Variants in FARS2 observed in about 807,000 individuals in gnomAD.
FARS2 encodes the protein phenylalanyl-tRNA synthetase 2, mitochondrial, also known as phenylalanine--tRNA ligase, mitochondrial.
Under a neutral mutation model 46.4 loss-of-function variants are expected in FARS2, and 40 were observed. The observed-to-expected ratio is 0.86, with a 90% CI of 0.67 to 1.12. FARS2 has a LOEUF of 1.12. Among genes scored for constraint, FARS2 ranks in the 50% most tolerant of loss-of-function variants. The probability of loss-of-function intolerance (pLI) is 0.00; values close to 1 mark genes in which losing one functional copy is unlikely to be tolerated. For synonymous variants in FARS2, 234 were observed against 214.9 expected (o/e 1.09, Z -0.78); for missense variants, 513 against 567.9 (o/e 0.90, Z 0.98).
intron 6 of FARS2, among the ~76,000 whole-genome samples, chr6:5,659,041 G>C (rs137874967): frequency 6.6e-6 from 1 of 152,192 alleles, no homozygotes; most frequent in African/African-American, 2.4e-5. Context: ...TTGGACTACA[G>C]TTGTTCCTTT....
chr6:5,715,759 A>C (rs148261673), intron 6 of FARS2, among the ~76,000 whole-genome samples: 8 of 152,322 alleles, frequency 5.3e-5, no homozygotes, highest in Non-Finnish European at 1.2e-4. Context: ...TTGGCTATTT[A>C]TGATGCTGCT....
chr6:5,653,367 A>G (rs527701735), intron 6 of FARS2, among the ~76,000 whole-genome samples: 11 of 152,306 alleles, frequency 7.2e-5, no homozygotes, highest in African/African-American at 2.6e-4. Context: ...TGCAAACCCT[A>G]TTGCTCCAAA....
intron 1 of FARS2, among the ~76,000 whole-genome samples, chr6:5,304,890 G>C (rs1321456294): frequency 6.6e-6 from 1 of 152,198 alleles, no homozygotes; most frequent in African/African-American, 2.4e-5. Flanking sequence ...AGAGTGTTCA[G>C]CCAGTGTGAC....
chr6:5,625,865 C>T (rs760548979), intron 6 of FARS2, among the ~76,000 whole-genome samples: 4 of 152,154 alleles, frequency 2.6e-5, no homozygotes, highest in Non-Finnish European at 4.4e-5. Context: ...TGGGACTGGG[C>T]TTGGAATCAC....
At chr6:5,505,686 A>G (rs1445048702) in intron 4 of FARS2, among the ~76,000 whole-genome samples, 3 of 151,756 alleles carry the variant, frequency 2.0e-5, no homozygotes, top group African/African-American at 7.3e-5. Context: ...GGCTGAAGCT[A>G]TAGGATGCGA....
At chr6:5,552,860 T>G (rs1455646111) in intron 5 of FARS2, among the ~76,000 whole-genome samples, 4 of 152,168 alleles carry the variant, frequency 2.6e-5, no homozygotes, top group African/African-American at 9.6e-5. Context: ...AGTGTTTGGG[T>G]CTTTGTTGCA....
intron 4 of FARS2, among the ~76,000 whole-genome samples, chr6:5,444,500 G>A (rs1264509442): frequency 8.3e-5 from 9 of 108,902 alleles, no homozygotes; most frequent in African/African-American, 1.8e-4. Context: ...AAAAGAGAGA[G>A]AGAGAGAGAG....
intron 4 of FARS2, among the ~76,000 whole-genome samples, chr6:5,461,201 G>A (rs1562058164): frequency 6.6e-6 from 1 of 151,972 alleles, no homozygotes; most frequent in African/African-American, 2.4e-5. Flanking sequence ...ATCACGCCTG[G>A]CTAATTTTTT....
chr6:5,719,599 G>A (rs529039588), intron 6 of FARS2, among the ~76,000 whole-genome samples: 23 of 152,212 alleles, frequency 1.5e-4, no homozygotes, highest in Non-Finnish European at 2.8e-4. Flanking sequence ...CAATGCCCTC[G>A]TGAGGCCTCA....
At chr6:5,677,971 T>C (rs777151797) in intron 6 of FARS2, among the ~76,000 whole-genome samples, 4 of 151,790 alleles carry the variant, frequency 2.6e-5, no homozygotes, top group Non-Finnish European at 5.9e-5. Context: ...TCTTTGAAAA[T>C]TGCAAGAAAT....
chr6:5,407,064 T>TAG (rs1761652827), intron 3 of FARS2, among the ~76,000 whole-genome samples: 1 of 141,784 alleles, frequency 7.1e-6, no homozygotes. Flanking sequence ...TATATATATA[T>TAG]ATAATGACCA....
chr6:5,513,114 G>A (rs981096116), intron 4 of FARS2, among the ~76,000 whole-genome samples: 17 of 152,320 alleles, frequency 1.1e-4, no homozygotes, highest in Admixed American at 4.6e-4. Flanking sequence ...GACACTATGA[G>A]GTGGCGGTGG....
chr6:5,255,176 G>C, the FARS2 span, among the ~76,000 whole-genome samples: 2 of 152,164 alleles, frequency 1.3e-5, no homozygotes, highest in African/African-American at 4.8e-5. Flanking sequence ...AGTTAGCCAA[G>C]GGACCATGGC....
intron 1 of FARS2, among the ~76,000 whole-genome samples, chr6:5,289,541 C>T (rs1767359724): frequency 6.6e-6 from 1 of 152,164 alleles, no homozygotes; most frequent in Admixed American, 6.5e-5. Flanking sequence ...TAGTGGTCCA[C>T]GACCAGTCTG....
At chr6:5,710,201 T>A (rs1411624726) in intron 6 of FARS2, among the ~76,000 whole-genome samples, 1 of 152,126 alleles carries the variant, frequency 6.6e-6, no homozygotes, top group Non-Finnish European at 1.5e-5. Context: ...ACCTCATATG[T>A]GATAGAGACA....
At chr6:5,259,797 T>TA (rs70974186), upstream of FARS2, among the ~76,000 whole-genome samples, 4,932 of 151,284 alleles carry the variant, frequency 0.033, 116 homozygotes, top group Non-Finnish European at 0.044. Context: ...AGGTAGTTAG[T>TA]AAAAACAAAA....
chr6:5,741,352 C>A (rs1205262259), intron 6 of FARS2, among the ~76,000 whole-genome samples: 2 of 152,236 alleles, frequency 1.3e-5, no homozygotes, highest in Non-Finnish European at 2.9e-5. Flanking sequence ...ATTGGTCATG[C>A]AACAGCTTCG....
Position 5,634,735 on chromosome 6 carries a change from G to C in FARS2, c.1217+21415G>C, listed in dbSNP as rs1360896831. Among the ~76,000 whole-genome samples the C allele has an allele frequency of 3.3e-5, 5 of 152,198 alleles. No individual in the cohort carries two copies. In the East Asian group the frequency reaches 9.6e-4, roughly 29 times the overall value. On this transcript the variant is annotated intron_variant, in intron 6 of 6. Coordinates refer to ENST00000274680, the MANE Select transcript of FARS2 (RefSeq NM_006567.5). ...CTTACTCTCATTTCAGAGCAGAGTA[G>C]CCCACGTGGCAATCCCCTAGTCCCT...
intron 4 of FARS2, among the ~76,000 whole-genome samples, chr6:5,474,316 G>A (rs1470937883): frequency 2.6e-5 from 4 of 152,220 alleles, no homozygotes; most frequent in Non-Finnish European, 5.9e-5. Context: ...TACTTGAAGT[G>A]GAGATGAAGG....
Sources: gnomAD v4.1 joint callset for allele counts (sites outside exome capture counted in the v4.1 genomes callset) on GRCh38, gnomAD v4.1.1 for gene constraint, MANE v1.5 for transcripts, NCBI Gene and HGNC (gene_info 2026-07-23, HGNC 2026-07-21) for gene names.